Variants in PTPRR observed in about 807,000 individuals in gnomAD.
PTPRR encodes receptor-type tyrosine-protein phosphatase R.
A neutral mutation model predicts 77.2 loss-of-function variants in PTPRR; 38 were observed. That is an observed-to-expected ratio of 0.49 (90% CI 0.38 to 0.65). The LOEUF is 0.65. PTPRR is among the 30% of genes least tolerant of loss of function. The pLI, the probability that PTPRR is intolerant of heterozygous loss-of-function variation, is 0.00. For synonymous variants in PTPRR, 299 were observed against 283.1 expected (o/e 1.06, Z -0.57); for missense variants, 744 against 799.2 (o/e 0.93, Z 0.83).
chr12:70,691,117 C>G (rs1368962847), intron 8 of PTPRR, among the ~76,000 whole-genome samples: 1 of 152,090 alleles, frequency 6.6e-6, no homozygotes, highest in African/African-American at 2.4e-5. Context: ...TTATTATACA[C>G]ACACTTCCTC....
At chr12:70,893,275 T>C (rs1231133688) in intron 1 of PTPRR, among the ~76,000 whole-genome samples, 1 of 152,000 alleles carries the variant, frequency 6.6e-6, no homozygotes, top group Admixed American at 6.6e-5. Flanking sequence ...TCTACACCCA[T>C]AGTTTCAATA....
intron 2 of PTPRR, among the ~76,000 whole-genome samples, chr12:70,838,513 A>G (rs1892342193): frequency 2.0e-5 from 3 of 152,148 alleles, no homozygotes; most frequent in Non-Finnish European, 4.4e-5. Context: ...GATTGAGACT[A>G]TTTGGGAGTG....
chr12:70,664,044 AG>A (rs1886890106), intron 10 of PTPRR, among the ~76,000 whole-genome samples: 1 of 152,210 alleles, frequency 6.6e-6, no homozygotes, highest in Non-Finnish European at 1.5e-5. Context: ...AGCACAGCGA[AG>A]GAAGTCACTT....
intron 5 of PTPRR, among the ~76,000 whole-genome samples, chr12:70,747,866 G>T (rs1456506658): frequency 1.3e-5 from 2 of 152,174 alleles, no homozygotes; most frequent in Non-Finnish European, 2.9e-5. Context: ...AAATGGAAGA[G>T]ATTGCTACTT....
At chr12:70,801,769 A>C (rs1417915580) in intron 2 of PTPRR, among the ~76,000 whole-genome samples, 1 of 146,716 alleles carries the variant, frequency 6.8e-6, no homozygotes, top group Non-Finnish European at 1.5e-5. Context: ...ATCTATAGCT[A>C]TCTATCTCCC....
chr12:70,906,299 C>G (rs1893621069), intron 1 of PTPRR, among the ~76,000 whole-genome samples: 4 of 151,876 alleles, frequency 2.6e-5, no homozygotes, highest in Admixed American at 2.6e-4. Context: ...AAAGAAGCCA[C>G]AATTCAGTTA....
At chr12:70,825,858 G>A (rs907753) in intron 2 of PTPRR, among the ~76,000 whole-genome samples, 29,645 of 152,170 alleles carry the variant, frequency 0.19, 4,784 homozygotes, top group African/African-American at 0.44. Context: ...AAATAACAAC[G>A]TAAGGCAAAG....
chr12:70,717,949 GGTCA>G, intron 6 of PTPRR, among the ~76,000 whole-genome samples: 1 of 152,168 alleles, frequency 6.6e-6, no homozygotes, highest in East Asian at 1.9e-4. Flanking sequence ...CCTGATAATT[GGTCA>G]GTAATTTTCC....
At chr12:70,655,564 A>C (rs1288258174) in intron 13 of PTPRR, among the ~76,000 whole-genome samples, 1 of 152,226 alleles carries the variant, frequency 6.6e-6, no homozygotes, top group Non-Finnish European at 1.5e-5. Flanking sequence ...CAGCCTTAAA[A>C]AGCAAGGAAA....
At chr12:70,683,294 G>T (rs1313521024) in intron 10 of PTPRR, among the ~76,000 whole-genome samples, 1 of 152,148 alleles carries the variant, frequency 6.6e-6, no homozygotes, top group Non-Finnish European at 1.5e-5. Flanking sequence ...ATCCCAGTAA[G>T]TTGTCCTAAA....
At chr12:70,691,376 C>T (rs554729201) in intron 8 of PTPRR, among the ~76,000 whole-genome samples, 29 of 152,254 alleles carry the variant, frequency 1.9e-4, no homozygotes, top group East Asian at 9.7e-4. Flanking sequence ...GCTCCCTTTT[C>T]GGTGGCCTCT....
intron 1 of PTPRR, among the ~76,000 whole-genome samples, chr12:70,911,017 C>G (rs776402649): frequency 1.3e-5 from 2 of 152,064 alleles, no homozygotes; most frequent in South Asian, 4.1e-4. Context: ...AAATCAGCAG[C>G]GAGAAGAGTC....
At chr12:70,652,552 A>C (rs1412157054) in intron 13 of PTPRR, among the ~76,000 whole-genome samples, 2 of 152,244 alleles carry the variant, frequency 1.3e-5, no homozygotes, top group Non-Finnish European at 2.9e-5. Context: ...TGAAGAAATC[A>C]GAATGATTTT....
At chr12:70,771,655 T>C (rs1241602294) in intron 2 of PTPRR, among the ~76,000 whole-genome samples, 2 of 152,224 alleles carry the variant, frequency 1.3e-5, no homozygotes, top group Admixed American at 1.3e-4. Flanking sequence ...CATTGAAATG[T>C]GCCTTGAATA....
intron 13 of PTPRR, among the ~76,000 whole-genome samples, chr12:70,644,946 C>A (rs1455825791): frequency 6.6e-6 from 1 of 152,192 alleles, no homozygotes; most frequent in Non-Finnish European, 1.5e-5. Flanking sequence ...TTAGACAAGT[C>A]ATTTAGTCCT....
At chr12:70,697,581 T>A (rs1295473592) in intron 8 of PTPRR, among the ~76,000 whole-genome samples, 1 of 152,208 alleles carries the variant, frequency 6.6e-6, no homozygotes, top group East Asian at 1.9e-4. Context: ...GTTCAATTTT[T>A]TTTTGCTGCT....
At chr12:70,821,665 T>C (rs1315502634) in intron 2 of PTPRR, among the ~76,000 whole-genome samples, 3 of 151,746 alleles carry the variant, frequency 2.0e-5, no homozygotes, top group Admixed American at 1.3e-4. Flanking sequence ...TATGTACGTA[T>C]GTATTTATTT....
Position 70,673,048 on chromosome 12 carries a change from AAG to A in PTPRR, c.1498-10445_1498-10444del, listed in dbSNP as rs1491009698. On this transcript the variant is annotated intron_variant, in intron 10 of 13. Coordinates refer to ENST00000283228, the MANE Select transcript of PTPRR (RefSeq NM_002849.4). ...GGCCAAAGCAAAAAAAAAAAAAAAAAAGAAAGAAAGAAAGAAATATATATTTG... is the reference window on the plus strand; with the variant it reads ...GGCCAAAGCAAAAAAAAAAAAAAAAAAAAGAAAGAAAGAAATATATATTTG... 2,378 of 701,532 alleles carry A rather than the reference AAG, an allele frequency of 3.4e-3. 66 individuals are homozygous for A. The highest frequency in any genetic ancestry group is 0.021 in the African/African-American group (464 of 22,286). 43.5% of individuals were successfully genotyped at this position (701,532 alleles called of 1,614,324 possible).
At chr12:70,679,779 A>G (rs909454696) in intron 10 of PTPRR, among the ~76,000 whole-genome samples, 3 of 152,084 alleles carry the variant, frequency 2.0e-5, no homozygotes, top group Admixed American at 1.3e-4. Context: ...ATATGTCTTT[A>G]CATGTGAAGT....
Sources: gnomAD v4.1 joint callset for allele counts (sites outside exome capture counted in the v4.1 genomes callset) on GRCh38, gnomAD v4.1.1 for gene constraint, MANE v1.5 for transcripts, NCBI Gene and HGNC (gene_info 2026-07-23, HGNC 2026-07-21) for gene names.